ZNF385D: variants seen among roughly 807,000 people sequenced by gnomAD.
The protein encoded by ZNF385D is zinc finger protein 385D.
ZNF385D carries 15 observed loss-of-function variants against 35.8 expected under a neutral mutation model. The observed-to-expected ratio is 0.42, with a 90% CI of 0.28 to 0.64. The LOEUF (loss-of-function observed/expected upper bound fraction) is 0.64. Ranked by LOEUF, ZNF385D falls within the 30% of genes least tolerant of loss-of-function variation. The pLI, the probability that ZNF385D is intolerant of heterozygous loss-of-function variation, is 0.23. For missense variants in ZNF385D, 474 were observed against 494.6 expected, an observed-to-expected ratio of 0.96 and a Z score of 0.39; for synonymous variants, 212 against 186.8, an observed-to-expected ratio of 1.13 and a Z score of -1.10.
intron 3 of ZNF385D, among the ~76,000 whole-genome samples, chr3:22,059,725 T>C (rs1249772294): frequency 1.3e-5 from 2 of 152,204 alleles, no homozygotes; most frequent in Non-Finnish European, 2.9e-5. Context: ...TTTTGTTTGC[T>C]GCTGTATCCC....
intron 3 of ZNF385D, among the ~76,000 whole-genome samples, chr3:21,882,704 C>T (rs1310280500): frequency 6.6e-6 from 1 of 151,978 alleles, no homozygotes; most frequent in East Asian, 1.9e-4. Flanking sequence ...GCTCCCGATT[C>T]TCAAACATGA....
At chr3:22,307,083 A>G (rs1012581344) in intron 2 of ZNF385D, among the ~76,000 whole-genome samples, 16 of 152,138 alleles carry the variant, frequency 1.1e-4, no homozygotes, top group Non-Finnish European at 2.2e-4. Flanking sequence ...TCTGAAAACT[A>G]GGGTTAAACT....
At chr3:22,165,918 T>G (rs113789357) in intron 3 of ZNF385D, among the ~76,000 whole-genome samples, 469 of 152,286 alleles carry the variant, frequency 3.1e-3, no homozygotes, top group African/African-American at 0.011. Flanking sequence ...GCTCTTACAT[T>G]CATACACCAG....
intron 3 of ZNF385D, among the ~76,000 whole-genome samples, chr3:21,549,021 TCCC>T (rs1424043599): frequency 6.6e-6 from 1 of 152,218 alleles, no homozygotes; most frequent in East Asian, 1.9e-4. Context: ...AATGTAAATA[TCCC>T]CTTGTTTATT....
chr3:22,227,111 T>C (rs1225042668), intron 2 of ZNF385D, among the ~76,000 whole-genome samples: 1 of 151,996 alleles, frequency 6.6e-6, no homozygotes, highest in Non-Finnish European at 1.5e-5. Context: ...GTATATACAT[T>C]ACTATAACAT....
intron 3 of ZNF385D, among the ~76,000 whole-genome samples, chr3:21,785,670 A>G (rs2071661108): frequency 6.6e-6 from 1 of 152,190 alleles, no homozygotes; most frequent in Admixed American, 6.5e-5. Context: ...CCATTTTGCT[A>G]CATTGTTTCT....
At chr3:21,858,870 G>A (rs1389150786) in intron 3 of ZNF385D, among the ~76,000 whole-genome samples, 1 of 151,960 alleles carries the variant, frequency 6.6e-6, no homozygotes, top group Non-Finnish European at 1.5e-5. Flanking sequence ...GTTCTATGCT[G>A]CTCACTCACC....
Position 22,311,538 on chromosome 3 carries a change from T to C in ZNF385D, c.106+60912A>G, listed in dbSNP as rs183600939. Among the ~76,000 whole-genome samples, 8 of 152,174 alleles carry C rather than the reference T, an allele frequency of 5.3e-5. No individual in the cohort carries two copies. The South Asian group carries it at 1.5e-3, about 28-fold the overall frequency. ...CATTCAGCTAAATTTTGTTTTAAGC[T>C]AAATCCAGGCAAAGACAAAGACTGG... On this transcript the variant is annotated intron_variant, in intron 2 of 5. Transcript: ENST00000494108.
chr3:22,099,683 C>G (rs1333780485), intron 3 of ZNF385D, among the ~76,000 whole-genome samples: 3 of 151,892 alleles, frequency 2.0e-5, no homozygotes, highest in Non-Finnish European at 4.4e-5. Context: ...CCTGGACTTG[C>G]AGCAGACCCT....
intron 3 of ZNF385D, among the ~76,000 whole-genome samples, chr3:22,166,811 ATTAC>A (rs1273335237): frequency 6.6e-6 from 1 of 152,188 alleles, no homozygotes; most frequent in Non-Finnish European, 1.5e-5. Flanking sequence ...AATGTTGTTT[ATTAC>A]TTCTCCAAAA....
intron 3 of ZNF385D, among the ~76,000 whole-genome samples, chr3:21,761,810 T>A (rs2125587145): frequency 6.6e-6 from 1 of 151,556 alleles, no homozygotes; most frequent in African/African-American, 2.4e-5. Context: ...AAAAATTGTA[T>A]CTCACTTAAA....
At chr3:21,771,643 A>T (rs545223997) in intron 3 of ZNF385D, among the ~76,000 whole-genome samples, 2 of 152,058 alleles carry the variant, frequency 1.3e-5, no homozygotes, top group African/African-American at 4.8e-5. Context: ...TAGAGATAGC[A>T]AGAAGAGCCA....
chr3:21,810,451 A>C (rs2072866842), intron 3 of ZNF385D, among the ~76,000 whole-genome samples: 1 of 152,204 alleles, frequency 6.6e-6, no homozygotes, highest in Non-Finnish European at 1.5e-5. Flanking sequence ...GCAGCACACC[A>C]ACATGGCACA....
chr3:21,547,921 C>G (rs1284243292), intron 3 of ZNF385D, among the ~76,000 whole-genome samples: 8 of 152,044 alleles, frequency 5.3e-5, no homozygotes. Context: ...ACACGTACTT[C>G]TTTAGATGGA....
At chr3:21,565,830 G>GAAAT (rs2063125874) in intron 2 of ZNF385D, among the ~76,000 whole-genome samples, 2 of 152,200 alleles carry the variant, frequency 1.3e-5, no homozygotes, top group Admixed American at 1.3e-4. Flanking sequence ...AGATAGATCA[G>GAAAT]AAATTATTTG....
At chr3:21,625,742 T>C (rs1479547523) in intron 2 of ZNF385D, among the ~76,000 whole-genome samples, 1 of 152,052 alleles carries the variant, frequency 6.6e-6, no homozygotes, top group Admixed American at 6.6e-5. Context: ...ACTATTCAAA[T>C]TGAATTAAAA....
At chr3:22,292,255 A>G (rs1702337489) in intron 2 of ZNF385D, among the ~76,000 whole-genome samples, 1 of 152,188 alleles carries the variant, frequency 6.6e-6, no homozygotes, top group East Asian at 1.9e-4. Context: ...TCTGAGCCCT[A>G]ACATACATGT....
At chr3:21,813,371 G>C (rs1051561101) in intron 3 of ZNF385D, among the ~76,000 whole-genome samples, 2 of 152,190 alleles carry the variant, frequency 1.3e-5, no homozygotes, top group African/African-American at 4.8e-5. Context: ...GACAGAAGTA[G>C]GCCTCAGAAG....
At chr3:21,931,146 C>T (rs905109859) in intron 3 of ZNF385D, among the ~76,000 whole-genome samples, 3 of 152,166 alleles carry the variant, frequency 2.0e-5, no homozygotes, top group South Asian at 4.1e-4. Flanking sequence ...GAGAAAGGAT[C>T]TGATTGAAAA....
Sources: gnomAD v4.1 joint callset for allele counts (sites outside exome capture counted in the v4.1 genomes callset) on GRCh38, gnomAD v4.1.1 for gene constraint, MANE v1.5 for transcripts, NCBI Gene and HGNC (gene_info 2026-07-23, HGNC 2026-07-21) for gene names.